Variants in VPS37B observed in about 807,000 individuals in gnomAD.
VPS37B encodes the protein vacuolar protein sorting-associated protein 37B.
VPS37B carries 11 observed loss-of-function variants against 21.2 expected under a neutral mutation model. The observed-to-expected ratio is 0.52, with a 90% confidence interval of 0.33 to 0.86. The LOEUF (loss-of-function observed/expected upper bound fraction) is 0.86. VPS37B is among the 40% of genes least tolerant of loss of function. The probability of loss-of-function intolerance (pLI) is 0.03; values close to 1 mark genes in which losing one functional copy is unlikely to be tolerated. For missense variants in VPS37B, 389 were observed against 374.8 expected (o/e 1.04, Z -0.31); for synonymous variants, 175 against 159.6 (o/e 1.10, Z -0.73).
At position 122,866,168 on chromosome 12, in the gene VPS37B, T is replaced by C. The variant is rs1330537052; in HGVS notation, c.*948A>G. 6.6e-6 allele frequency: 1 copy of C among 152,596 alleles called. No individual in the cohort carries two copies. Among genetic ancestry groups the C allele is most frequent in the Non-Finnish European group, 1.5e-5 (1 of 68,028 alleles). 9.5% of individuals were successfully genotyped at this position (152,596 alleles called of 1,614,324 possible). A position where few individuals can be genotyped will look rare whatever the true frequency, so the allele number is the denominator to read the frequency against. On this transcript the variant is annotated 3_prime_UTR_variant, in exon 4 of 4. Coordinates refer to ENST00000267202, the MANE Select transcript of VPS37B (RefSeq NM_024667.3). Reference sequence around the variant, plus strand: ...CCTAGCAGGTGTGAGTCCCGGCACCTGGGGAAGCTAAGGCACAGCACGGAC... The same window carrying C: ...CCTAGCAGGTGTGAGTCCCGGCACCCGGGGAAGCTAAGGCACAGCACGGAC...
chr12:122,883,803 G>C (rs774516255), intron 1 of VPS37B: 1 of 152,252 alleles, frequency 6.6e-6, no homozygotes, highest in Non-Finnish European at 1.5e-5. Flanking sequence ...CTAATACTCA[G>C]AGGAAAAACA....
At chr12:122,872,370 C>G (rs1034910470) in intron 1 of VPS37B, 1 of 985,446 alleles carries the variant, frequency 1.0e-6, no homozygotes. Flanking sequence ...ACCCAGGGCC[C>G]TAAAGATCAG....
chr12:122,881,933 C>T (rs975866600), intron 1 of VPS37B: 3 of 152,236 alleles, frequency 2.0e-5, no homozygotes, highest in South Asian at 2.1e-4. Flanking sequence ...TCTATATTCC[C>T]GCTTTTTTTT....
At position 122,888,678 on chromosome 12, in the gene VPS37B, A is replaced by T. The variant is rs1193765983; in HGVS notation, c.111+7274T>A. On this transcript the variant is annotated intron_variant, in intron 1 of 3. Transcript: ENST00000267202. ...CAGTCTACTTCTGGGTTCCTCTTCC[A>T]GCCAGTCTCTAACAGGATGTTAGGT... 6 of 447,516 alleles carry T rather than the reference A, an allele frequency of 1.3e-5. No individual in the cohort carries two copies. The Admixed American group carries it at 1.4e-4, about 11-fold the overall frequency. 27.7% of individuals were successfully genotyped at this position (447,516 alleles called of 1,614,324 possible).
At chr12:122,872,601 A>G in intron 1 of VPS37B, 1 of 985,440 alleles carries the variant, frequency 1.0e-6, no homozygotes, top group Non-Finnish European at 1.2e-6. Context: ...TTCCCCACCC[A>G]CAGGGCGGCT....
Position 122,866,964 on chromosome 12 carries a change from C to T in VPS37B, c.*152G>A, listed in dbSNP as rs1158933722. 4.0e-6 allele frequency: 4 copies of T among 1,011,194 alleles called. No homozygotes were observed. The highest frequency in any genetic ancestry group is 5.4e-6 in the Non-Finnish European group (4 of 743,338). The allele number at this position is 1,011,194 out of a possible 1,614,324, so 62.6% of individuals were successfully genotyped here. On this transcript the variant is annotated 3_prime_UTR_variant, in exon 4 of 4. Transcript: ENST00000267202. ...ATGCCCAAAGCCTGGGCTCCTACTA[C>T]TCACCACTGACCTACAGTTCTAAAA... is the stretch of plus-strand genomic sequence containing the variant.
At chr12:122,886,899 A>C (rs1047779452) in intron 1 of VPS37B, 1 of 152,232 alleles carries the variant, frequency 6.6e-6, no homozygotes, top group African/African-American at 2.4e-5. Flanking sequence ...TACTTGCCCC[A>C]AAGTTTCCTA....
Position 122,867,668 on chromosome 12 carries a change from G to A in VPS37B, c.367-61C>T, listed in dbSNP as rs993151087. On this transcript the variant is annotated intron_variant, in intron 3 of 3. Transcript: ENST00000267202. The surrounding 1 kb of genome is among the most constrained non-coding windows in gnomAD (Gnocchi z 5.5). ...AGATGGGGAGGATGCTCCCTTCGTG[G>A]TCTAGGCACAAGGAGAGGCAACGCC... The A allele has an allele frequency of 1.9e-6, 3 of 1,598,804 alleles. No individual in the cohort carries two copies. The highest frequency in any genetic ancestry group is 2.5e-6 in the Non-Finnish European group (3 of 1,178,654).
At chr12:122,891,558 G>A (rs550854894) in intron 1 of VPS37B, among the ~76,000 whole-genome samples, 1 of 152,290 alleles carries the variant, frequency 6.6e-6, no homozygotes, top group South Asian at 2.1e-4. Context: ...TTTTACTCAT[G>A]TAAAAGGTCC....
intron 1 of VPS37B, chr12:122,880,165 C>T (rs1441782025): frequency 6.6e-6 from 1 of 152,156 alleles, no homozygotes; most frequent in East Asian, 1.9e-4. Context: ...TTGTGAAAAT[C>T]CTGCTAAGCT....
intron 2 of VPS37B, 89 bp downstream of exon 2, chr12:122,870,801 G>A (rs778984438): frequency 2.0e-5 from 29 of 1,426,812 alleles, no homozygotes; most frequent in Non-Finnish European, 2.4e-5. Context: ...AAATTTTTCC[G>A]TAATATTTCT....
Position 122,895,158 on chromosome 12 carries a change from G to A in VPS37B, c.111+794C>T, listed in dbSNP as rs2034472253. On this transcript the variant is annotated intron_variant, in intron 1 of 3. Coordinates refer to ENST00000267202, the MANE Select transcript of VPS37B (RefSeq NM_024667.3). ...AACCTTCAAACCTTACCCTGGCTAT[G>A]GTATGACCATGGACTCCTGCCTCCA... 2.0e-5 allele frequency among the ~76,000 whole-genome samples: 3 copies of A among 151,994 alleles called. No homozygotes were observed. The South Asian group carries it at 6.2e-4, about 31-fold the overall frequency.
intron 1 of VPS37B, among the ~76,000 whole-genome samples, chr12:122,891,825 G>C (rs1357102182): frequency 6.6e-6 from 1 of 152,164 alleles, no homozygotes; most frequent in Non-Finnish European, 1.5e-5. Flanking sequence ...CACGCCTTAG[G>C]GAAACAGCTT....
At chr12:122,895,729 G>T (rs1336755969) in intron 1 of VPS37B, among the ~76,000 whole-genome samples, 1 of 149,992 alleles carries the variant, frequency 6.7e-6, no homozygotes, top group Non-Finnish European at 1.5e-5. Context: ...CCCTAGTCTC[G>T]GTCCCCTCAG....
rs1359984573 is a variant in VPS37B, at chr12:122,868,976, A to T, written c.284-414T>A. On this transcript the variant is annotated intron_variant, in intron 2 of 3. Transcript: ENST00000267202. This position sits in a 1 kb window ranked among gnomAD's most constrained non-coding sequence, Gnocchi z 5.5. ...CTCACGCCCACTGCACCCGCCAGAT[A>T]ACCCCTACGCTGGCCTCCACCACCA... 6.6e-6 allele frequency among the ~76,000 whole-genome samples: 1 copy of T among 152,154 alleles called. No homozygotes were observed. The highest frequency in any genetic ancestry group is 1.5e-5 in the Non-Finnish European group (1 of 68,030).
intron 1 of VPS37B, chr12:122,879,802 A>G (rs1026600340): frequency 1.3e-5 from 2 of 152,076 alleles, no homozygotes; most frequent in Admixed American, 6.6e-5. Context: ...CCAGGCTAAC[A>G]CAGGCACATA....
chr12:122,894,939 G>A (rs1403357419), intron 1 of VPS37B, among the ~76,000 whole-genome samples: 1 of 152,022 alleles, frequency 6.6e-6, no homozygotes, highest in Non-Finnish European at 1.5e-5. Flanking sequence ...TCCCAGACAC[G>A]TGGGACGCAG....
chr12:122,869,923 T>C (rs2033989163), intron 2 of VPS37B: 1 of 152,218 alleles, frequency 6.6e-6, no homozygotes, highest in Admixed American at 6.5e-5. Context: ...TTTATCTAAA[T>C]GTCCCTTTGA....
chr12:122,873,527 G>A (rs895967162), intron 1 of VPS37B: 1 of 152,180 alleles, frequency 6.6e-6, no homozygotes, highest in African/African-American at 2.4e-5. Context: ...TATCTGCCAC[G>A]CCTGGGGTTA....
Sources: gnomAD v4.1 joint callset for allele counts (sites outside exome capture counted in the v4.1 genomes callset) on GRCh38, gnomAD v4.1.1 for gene constraint, Gnocchi (gnomAD v3.1) non-coding constraint, MANE v1.5 for transcripts, NCBI Gene and HGNC (gene_info 2026-07-23, HGNC 2026-07-21) for gene names.